Variants in ZNF618 observed in about 807,000 individuals in gnomAD.
ZNF618 encodes zinc finger protein 618.
A neutral mutation model predicts 103.0 loss-of-function variants in ZNF618; 34 were observed. The ratio of observed to expected loss-of-function variants is 0.33; its 90% CI spans 0.25 to 0.44. The LOEUF (loss-of-function observed/expected upper bound fraction) is 0.44. Ranked by LOEUF, ZNF618 falls within the 20% of genes least tolerant of loss-of-function variation. The probability of loss-of-function intolerance (pLI) is 1.00; values close to 1 mark genes in which losing one functional copy is unlikely to be tolerated. For synonymous variants in ZNF618, 551 were observed against 542.2 expected (o/e 1.02, Z -0.23); for missense variants, 1,059 against 1,295.4 (o/e 0.82, Z 2.80).
rs76398263 is a variant in ZNF618 at position 113,978,636 on chromosome 9, A to G, written c.77+9476A>G. Reference sequence around the variant, plus strand: ...CATTTAGTCATGTATGTGTTCATTCATTCAACAGGTGTTTTTATTATTTTC... The same window carrying G: ...CATTTAGTCATGTATGTGTTCATTCGTTCAACAGGTGTTTTTATTATTTTC... On this transcript the variant is annotated intron_variant, in intron 2 of 14. Transcript: ENST00000374126. Among the ~76,000 whole-genome samples, 47 of 152,348 alleles carry G rather than the reference A, an allele frequency of 3.1e-4. No individual in the cohort carries two copies. The East Asian group carries it at 4.4e-3, about 14-fold the overall frequency.
rs1588340978 is a variant in ZNF618, at chr9:114,013,581, C to T, written c.755-3114C>T. Among the ~76,000 whole-genome samples the T allele has an allele frequency of 4.6e-5, 7 of 152,134 alleles. No individual in the cohort carries two copies. In the South Asian group the frequency reaches 1.5e-3, roughly 32 times the overall value. On this transcript the variant is annotated intron_variant, in intron 9 of 14. Transcript: ENST00000374126. ...AAGTAGCTGGGACTACAGGCGCCCG[C>T]CACCACGCCTGGCTAATTTTTTTAT...
intron 1 of ZNF618, among the ~76,000 whole-genome samples, chr9:113,921,959 C>T (rs992662463): frequency 2.6e-5 from 4 of 151,844 alleles, no homozygotes; most frequent in Non-Finnish European, 4.4e-5. Context: ...TAGGAAGTTC[C>T]AATGAGCAAA....
chr9:113,991,299 G>T (rs1840036532), intron 3 of ZNF618, among the ~76,000 whole-genome samples: 1 of 152,212 alleles, frequency 6.6e-6, no homozygotes, highest in Non-Finnish European at 1.5e-5. Flanking sequence ...CCCTGTCCCG[G>T]CCACCTCATG....
intron 1 of ZNF618, among the ~76,000 whole-genome samples, chr9:113,903,504 T>A (rs886971188): frequency 6.6e-6 from 1 of 152,188 alleles, no homozygotes; most frequent in Non-Finnish European, 1.5e-5. Context: ...CACTCAGTAT[T>A]TCATTGTAAG....
At chr9:114,009,286 G>C (rs1456874060) in intron 9 of ZNF618, among the ~76,000 whole-genome samples, 1 of 152,170 alleles carries the variant, frequency 6.6e-6, no homozygotes, top group Non-Finnish European at 1.5e-5. Context: ...GACGAGGGTA[G>C]GGGATGAGCC....
chr9:114,041,466 A>G (rs1367078195), intron 13 of ZNF618, among the ~76,000 whole-genome samples: 2 of 152,182 alleles, frequency 1.3e-5, no homozygotes, highest in Non-Finnish European at 2.9e-5. Context: ...TTTTAGGTCT[A>G]ACATTTAAGT....
intron 4 of ZNF618, among the ~76,000 whole-genome samples, chr9:113,998,989 G>A (rs977431950): frequency 6.6e-6 from 1 of 152,248 alleles, no homozygotes; most frequent in Non-Finnish European, 1.5e-5. Flanking sequence ...CAGTGTTACA[G>A]GGAGGAAACC....
chr9:113,949,217 A>C (rs971109664), intron 1 of ZNF618, among the ~76,000 whole-genome samples: 2 of 152,224 alleles, frequency 1.3e-5, no homozygotes, highest in Non-Finnish European at 2.9e-5. Flanking sequence ...GCTGCTGGCT[A>C]TTACAAATTG....
chr9:114,016,171 A>G (rs775807094), intron 9 of ZNF618: 1 of 1,613,552 alleles, frequency 6.2e-7, no homozygotes, highest in Non-Finnish European at 8.5e-7. Flanking sequence ...GCCAAAAGAG[A>G]GGTAAAGATA....
At position 114,034,261 on chromosome 9, in the gene ZNF618, C is replaced by T. The variant is rs138227048; in HGVS notation, c.1168+1533C>T. Among the ~76,000 whole-genome samples, 370 of 152,264 alleles carry T rather than the reference C, an allele frequency of 2.4e-3. 7 individuals are homozygous for T. The East Asian group carries it at 0.042, about 17-fold the overall frequency. On this transcript the variant is annotated intron_variant, in intron 12 of 14. Transcript: ENST00000374126. ...CACCCAACCTCTCCAAGAGGTGGGC[C>T]TGAAAGGGATGGAGTGACTTGCCCA...
chr9:114,014,310 G>A (rs1564299262), intron 9 of ZNF618, among the ~76,000 whole-genome samples: 3 of 152,314 alleles, frequency 2.0e-5, no homozygotes, highest in South Asian at 4.1e-4. Flanking sequence ...TAGAGACAAG[G>A]TTAATTCCTT....
At chr9:113,971,160 G>A (rs1286951519) in intron 2 of ZNF618, among the ~76,000 whole-genome samples, 3 of 151,840 alleles carry the variant, frequency 2.0e-5, no homozygotes, top group East Asian at 1.9e-4. Context: ...TGTGGCCTGC[G>A]GGGCAGTAGC....
intron 1 of ZNF618, among the ~76,000 whole-genome samples, chr9:113,903,978 A>G (rs1830764317): frequency 6.8e-6 from 1 of 147,052 alleles, no homozygotes; most frequent in Non-Finnish European, 1.5e-5. Context: ...ATTTCTTCAA[A>G]TATCTTTCTC....
rs1314195436 is a variant in ZNF618 at position 114,054,369 on chromosome 9, C to G, written c.*4202C>G. On this transcript the variant is annotated 3_prime_UTR_variant, in exon 15 of 15. Transcript: ENST00000374126. ...GGGGACACTCCCCTCATCTTGTCAT[C>G]ACGATGGATATGCTGGAAGAGGAGG... 1 of 152,284 alleles carries G rather than the reference C, an allele frequency of 6.6e-6. No individual in the cohort carries two copies. The highest frequency in any genetic ancestry group is 2.4e-5 in the African/African-American group (1 of 41,464). The allele number at this position is 152,284 out of a possible 1,614,324, so 9.4% of individuals were successfully genotyped here.
chr9:113,909,940 A>G (rs1434169135), intron 1 of ZNF618, among the ~76,000 whole-genome samples: 2 of 151,872 alleles, frequency 1.3e-5, no homozygotes, highest in Non-Finnish European at 2.9e-5. Context: ...GTGTGTTACT[A>G]TGCTCGGCTA....
intron 1 of ZNF618, among the ~76,000 whole-genome samples, chr9:113,884,778 G>C (rs202197068): frequency 0.081 from 7,753 of 95,426 alleles, 279 homozygotes; most frequent in Admixed American, 0.18. Flanking sequence ...AACACACAGA[G>C]AGAGAGAGAG....
intron 13 of ZNF618, among the ~76,000 whole-genome samples, chr9:114,046,561 C>G (rs1425337906): frequency 6.6e-6 from 1 of 152,148 alleles, no homozygotes; most frequent in Admixed American, 6.5e-5. Flanking sequence ...CAACATGACT[C>G]TACATGTTGA....
chr9:113,998,209 C>A, intron 3 of ZNF618, 50 bp from the exon 4 acceptor site: 1 of 1,523,816 alleles, frequency 6.6e-7, no homozygotes, highest in African/African-American at 1.4e-5. Flanking sequence ...CCTAACCTTC[C>A]AGGCATTCTC....
rs776866314 is a variant in ZNF618, at chr9:114,016,711, C to G, written c.771C>G (p.Thr257=). The G allele has an allele frequency of 6.2e-7, 1 of 1,613,748 alleles. No homozygotes were observed. Among genetic ancestry groups the G allele is most frequent in the Non-Finnish European group, 8.5e-7 (1 of 1,179,778 alleles). The change falls in exon 10 of 15, where the codon ACC becomes ACG. Residue 257 remains threonine, a synonymous_variant. Coordinates refer to ENST00000374126, the MANE Select transcript of ZNF618 (RefSeq NM_001318042.2). The part of the protein sequence containing the change: ...QKIGPKTGNY[T]CEFCGKQYKY... ...CCTGGACAGAAACTGGCAATTACAC[C>G]TGTGAATTCTGCGGCAAACAGTACA...
Sources: gnomAD v4.1 joint callset for allele counts (sites outside exome capture counted in the v4.1 genomes callset) on GRCh38, gnomAD v4.1.1 for gene constraint, MANE v1.5 for transcripts, NCBI Gene and HGNC (gene_info 2026-07-23, HGNC 2026-07-21) for gene names.